The following GOLGA8H variants were observed in gnomAD, a reference collection of about 807,000 sequenced individuals.
The protein encoded by GOLGA8H is golgin subfamily A member 8H.
A neutral mutation model predicts 82.7 loss-of-function variants in GOLGA8H; 47 were observed. The observed-to-expected ratio is 0.57, with a 90% CI of 0.45 to 0.73. The LOEUF (loss-of-function observed/expected upper bound fraction) is 0.73. Among genes scored for constraint, GOLGA8H ranks in the 30% least tolerant of loss-of-function variants. GOLGA8H has a pLI of 0.00. For synonymous variants in GOLGA8H, 108 were observed against 241.6 expected (o/e 0.45, Z 5.13); for missense variants, 372 against 661.0 (o/e 0.56, Z 4.79).
Position 30,616,204 on chromosome 15 carries a change from A to C in GOLGA8H, c.*1643A>C, listed in dbSNP as rs2060103941. 6.6e-6 allele frequency among the ~76,000 whole-genome samples: 1 copy of C among 151,280 alleles called. No individual in the cohort carries two copies. The highest frequency in any genetic ancestry group is 6.6e-5 in the Admixed American group (1 of 15,140). ...GGAAAGACTCAACAGTTCAAACTTCATGAAGTTCTAATGTCTGTGTTCCAA... is the reference window on the plus strand; with the variant it reads ...GGAAAGACTCAACAGTTCAAACTTCCTGAAGTTCTAATGTCTGTGTTCCAA... On this transcript the variant is annotated 3_prime_UTR_variant, in exon 19 of 19. Coordinates refer to ENST00000566740, the MANE Select transcript of GOLGA8H (RefSeq NM_001282490.2).
chr15:30,609,724 C>A (rs1394919690), intron 8 of GOLGA8H, 82 bp from the exon 9 acceptor site: 3 of 1,573,288 alleles, frequency 1.9e-6, no homozygotes, highest in East Asian at 4.5e-5. Flanking sequence ...GTATATTGGG[C>A]CTAGCCCTAG....
chr15:30,615,383 T>C lies in GOLGA8H; in HGVS notation c.*822T>C, dbSNP rs1255892934. ...CTTTTTCGATGACCTAAAAAGGGCT[T>C]ATTTCTGAGGAATGAAAGGTTCCCA... On this transcript the variant is annotated 3_prime_UTR_variant, in exon 19 of 19. Transcript: ENST00000566740. 6.6e-6 allele frequency among the ~76,000 whole-genome samples: 1 copy of C among 152,004 alleles called. No homozygotes were observed. Among genetic ancestry groups the C allele is most frequent in the Non-Finnish European group, 1.5e-5 (1 of 67,970 alleles).
At chr15:30,604,988 C>T (rs2059905198) in intron 1 of GOLGA8H, among the ~76,000 whole-genome samples, 2 of 150,070 alleles carry the variant, frequency 1.3e-5, no homozygotes, top group Admixed American at 1.3e-4. Context: ...CTCTGGGTGG[C>T]AATGAGAGAA....
rs1477495330 is a variant in GOLGA8H, at chr15:30,613,398, G to T, written c.1368+203G>T. On this transcript the variant is annotated intron_variant, in intron 15 of 18. Transcript: ENST00000566740. ...GGAAGGGGCTGCGCTCCACCTCTCT[G>T]CCCCATTTCTTCTGTGTATGCCCCT... Among the ~76,000 whole-genome samples the T allele has an allele frequency of 2.2e-5, 2 of 93,022 alleles. 1 individual carries two copies. The highest frequency in any genetic ancestry group is 4.4e-5 in the Non-Finnish European group (2 of 45,712). The allele number at this position is 93,022 out of a possible 152,430, so 61.0% of individuals were successfully genotyped here. A position where few individuals can be genotyped will look rare whatever the true frequency, so the allele number is the denominator to read the frequency against.
rs1353172753 is a variant in GOLGA8H, at chr15:30,614,510, C to T, written c.1848C>T (p.Asn616=). 1 of 1,603,264 alleles carries T rather than the reference C, an allele frequency of 6.2e-7. No homozygotes were observed. Among genetic ancestry groups the T allele is most frequent in the African/African-American group, 1.3e-5 (1 of 74,634 alleles). The part of the protein sequence containing the change: ...DHQEHPGLGS[N]CCVPLLCWAW... ...AGGAGCACCCAGGCTTGGGCAGCAA[C>T]TGCTGTGTGCCATTGTTGTGCTGGG... Residue 616 remains asparagine (N), a synonymous_variant, in exon 19 of 19, where the codon AAC becomes AAT. Transcript: ENST00000566740.
rs1239166671 is a variant in GOLGA8H at position 30,616,515 on chromosome 15, G to GA, written c.*1960dup. On this transcript the variant is annotated 3_prime_UTR_variant, in exon 19 of 19. Coordinates refer to ENST00000566740, the MANE Select transcript of GOLGA8H (RefSeq NM_001282490.2). ...ATAAACCCAGTTTCAGAATGATAAA[G>GA]AAAAAATCTTAGACCAAATAATGCG... is the stretch of plus-strand genomic sequence containing the variant. 1.3e-5 allele frequency among the ~76,000 whole-genome samples: 2 copies of GA among 150,266 alleles called. No homozygotes were observed. Among genetic ancestry groups the GA allele is most frequent in the African/African-American group, 2.5e-5 (1 of 40,704 alleles).
chr15:30,610,557 C>T (rs1487246359), intron 11 of GOLGA8H, among the ~76,000 whole-genome samples, 168 bp downstream of exon 11: 3 of 149,758 alleles, frequency 2.0e-5, no homozygotes, highest in Non-Finnish European at 2.9e-5. Flanking sequence ...CTCAGTGTCT[C>T]AGTGTCCCCA....
At chr15:30,609,014 G>T (rs1225582933) in intron 8 of GOLGA8H, among the ~76,000 whole-genome samples, 1 of 134,716 alleles carries the variant, frequency 7.4e-6, no homozygotes, top group Non-Finnish European at 1.6e-5. Flanking sequence ...CCTGGCTGTG[G>T]TCTTGAGCAA....
intron 8 of GOLGA8H, among the ~76,000 whole-genome samples, chr15:30,609,571 A>C (rs1435607732): frequency 6.6e-6 from 1 of 150,854 alleles, no homozygotes; most frequent in African/African-American, 2.5e-5. Context: ...CAGTAATAAC[A>C]ATAGCAATAT....
chr15:30,611,496 T>C (rs1042981096), intron 13 of GOLGA8H, 150 bp downstream of exon 13: 95 of 1,514,248 alleles, frequency 6.3e-5, no homozygotes, highest in Middle Eastern at 2.3e-4. Context: ...GACTGTTTCT[T>C]GCTTCCTGCC....
Position 30,607,743 on chromosome 15 carries a change from G to T in GOLGA8H, c.310-287G>T, listed in dbSNP as rs2059944676. 36 of 604,778 alleles carry T rather than the reference G, an allele frequency of 6.0e-5. 1 individual carries two copies. The highest frequency in any genetic ancestry group is 8.8e-4 in the Middle Eastern group (2 of 2,278). 37.5% of individuals were successfully genotyped at this position (604,778 alleles called of 1,614,324 possible). ...AACCCACTTCTCTAAATCACAAGTT[G>T]CCAGAAGGAGGGGCCTTTCTGAAAC... On this transcript the variant is annotated intron_variant, in intron 4 of 18. Coordinates refer to ENST00000566740, the MANE Select transcript of GOLGA8H (RefSeq NM_001282490.2).
intron 4 of GOLGA8H, chr15:30,607,816 T>G: frequency 3.4e-6 from 2 of 592,920 alleles, no homozygotes; most frequent in Non-Finnish European, 6.0e-6. Flanking sequence ...GATTCCAGAT[T>G]CAGACTTTGA....
rs1362749405 is a variant in GOLGA8H at position 30,610,603 on chromosome 15, GCT to G, written c.875-160_875-159del. Reference sequence around the variant, plus strand: ...GGGCCCGTTGCCAGCCACCCGCAGTGCTCTTTCTCTGAATGTGCTTTGGAAGA... The same window carrying G: ...GGGCCCGTTGCCAGCCACCCGCAGTGCTTTCTCTGAATGTGCTTTGGAAGA... On this transcript the variant is annotated intron_variant, in intron 11 of 18. Coordinates refer to ENST00000566740, the MANE Select transcript of GOLGA8H (RefSeq NM_001282490.2). Among the ~76,000 whole-genome samples, 9 of 150,506 alleles carry G rather than the reference GCT, an allele frequency of 6.0e-5. No individual in the cohort carries two copies. The East Asian group carries it at 1.8e-3, about 29-fold the overall frequency.
In GOLGA8H at chr15:30,607,947, C is replaced by T. The variant is rs143466947; in HGVS notation, c.310-83C>T. The T allele has an allele frequency of 3.9e-3, 6,249 of 1,593,966 alleles. 375 individuals are homozygous for T. The African/African-American group carries it at 0.073, about 19-fold the overall frequency. ...AGAACTTTGCCTTTAAAATCCATTC[C>T]TGGCCCCTGCCTACCACTTCCTGGT... On this transcript the variant is annotated intron_variant, in intron 4 of 18. Transcript: ENST00000566740.
chr15:30,608,500 A>C lies in GOLGA8H; in HGVS notation c.430A>C (p.Lys144Gln). 6.2e-7 allele frequency: 1 copy of C among 1,611,118 alleles called. No homozygotes were observed. Among genetic ancestry groups the C allele is most frequent in the Non-Finnish European group, 8.5e-7 (1 of 1,179,618 alleles). The change falls in exon 7 of 19, where the codon AAA becomes CAA. Residue 144 changes from lysine to glutamine, a missense_variant. Physicochemically the swap from Lys to Gln is moderately conservative, Grantham distance 53 (BLOSUM62 1). Coordinates refer to ENST00000566740, the MANE Select transcript of GOLGA8H (RefSeq NM_001282490.2). ...CCAGACATTGAACATACAGAAAGGG[A>C]AACTAAATACGGACCTGTACCACAT... ...QIQTLNIQKG[K>Q]LNTDLYHMKR...
chr15:30,610,041 T>C lies in GOLGA8H; in HGVS notation c.721T>C (p.Cys241Arg). 3.1e-6 allele frequency: 5 copies of C among 1,611,470 alleles called. No homozygotes were observed. Among genetic ancestry groups the C allele is most frequent in the Non-Finnish European group, 4.2e-6 (5 of 1,179,708 alleles). The stretch of plus-strand genomic sequence containing the variant: ...ACAAGTCCAATTAGAAAGAGATGAG[T>C]GTGCTGAACATCTAAAAGGAGAGAG... The part of the protein sequence containing the change: ...FQQVQLERDE[C>R]AEHLKGERAR... Residue 241 changes from cysteine to arginine, a missense_variant, in exon 10 of 19, where the codon TGT becomes CGT. Physicochemically the swap from Cys to Arg is radical, Grantham distance 180 (BLOSUM62 -3). Transcript: ENST00000566740.
At position 30,613,075 on chromosome 15, in the gene GOLGA8H, C is replaced by G. The variant is rs2060048261; in HGVS notation, c.1277-29C>G. 3.4e-6 allele frequency: 4 copies of G among 1,167,494 alleles called. 1 individual carries two copies. In the African/African-American group the frequency reaches 7.8e-5, roughly 23 times the overall value. 72.3% of individuals were successfully genotyped at this position (1,167,494 alleles called of 1,614,324 possible). A position where few individuals can be genotyped will look rare whatever the true frequency, so the allele number is the denominator to read the frequency against. ...CACAGTTCCTCCCTTGTTGGGTTGTCTGAAGACCCCTCTGGCCACCCCCCA... is the reference window on the plus strand; with the variant it reads ...CACAGTTCCTCCCTTGTTGGGTTGTGTGAAGACCCCTCTGGCCACCCCCCA... On this transcript the variant is annotated intron_variant, in intron 14 of 18. Coordinates refer to ENST00000566740, the MANE Select transcript of GOLGA8H (RefSeq NM_001282490.2).
At chr15:30,610,701 C>T (rs1417928149) in intron 11 of GOLGA8H, 65 bp from the exon 12 acceptor site, 32 of 588,446 alleles carry the variant, frequency 5.4e-5, no homozygotes, top group African/African-American at 3.9e-4. Context: ...AGGAGCTGTG[C>T]GCCAAGAGGA....
intron 8 of GOLGA8H, among the ~76,000 whole-genome samples, chr15:30,609,542 C>G (rs995100846): frequency 2.6e-4 from 39 of 149,778 alleles, no homozygotes; most frequent in African/African-American, 9.7e-4. Flanking sequence ...CACAAAGGTT[C>G]AAACAGTGGT....
Sources: allele counts gnomAD v4.1 joint callset (sites outside exome capture counted in the v4.1 genomes callset), GRCh38; gene constraint gnomAD v4.1.1; transcripts MANE v1.5; gene names NCBI Gene and HGNC (gene_info 2026-07-23, HGNC 2026-07-21).